EVC2: variants seen among roughly 807,000 people sequenced by gnomAD.
EVC2 encodes EvC ciliary complex subunit 2.
Under a neutral mutation model 149.3 loss-of-function variants are expected in EVC2, and 148 were observed. The ratio of observed to expected loss-of-function variants is 0.99; its 90% CI spans 0.87 to 1.14. EVC2 has a LOEUF of 1.14. Ranked by LOEUF, EVC2 falls within the 50% of genes most tolerant of loss-of-function variation. The pLI, the probability that EVC2 is intolerant of heterozygous loss-of-function variation, is 0.00. For synonymous variants in EVC2, 776 were observed against 649.9 expected, an observed-to-expected ratio of 1.19 and a Z score of -2.95; for missense variants, 1,854 against 1,627.3, an observed-to-expected ratio of 1.14 and a Z score of -2.40.
chr4:5,592,607 G>C (rs1392170723), intron 16 of EVC2, among the ~76,000 whole-genome samples: 1 of 152,202 alleles, frequency 6.6e-6, no homozygotes, highest in Non-Finnish European at 1.5e-5. Flanking sequence ...ACTTGAAATT[G>C]GTGATCAGCA....
At chr4:5,619,963 G>C (rs1314518477) in intron 14 of EVC2, among the ~76,000 whole-genome samples, 1 of 152,184 alleles carries the variant, frequency 6.6e-6, no homozygotes, top group Non-Finnish European at 1.5e-5. Flanking sequence ...CACCCAACGT[G>C]GTTGGCCAGA....
At chr4:5,638,223 T>C (rs1717024899) in intron 10 of EVC2, among the ~76,000 whole-genome samples, 1 of 151,956 alleles carries the variant, frequency 6.6e-6, no homozygotes, top group African/African-American at 2.4e-5. Flanking sequence ...ACCCTGTCTC[T>C]ACTAAAAATA....
chr4:5,544,413 AC>A (rs539761997), intron 21 of EVC2, among the ~76,000 whole-genome samples: 6 of 152,200 alleles, frequency 3.9e-5, no homozygotes, highest in South Asian at 4.2e-4. Context: ...GTCTCATGCT[AC>A]CCCCCACACA....
chr4:5,547,662 G>C (rs1412130354), intron 21 of EVC2, among the ~76,000 whole-genome samples: 1 of 152,198 alleles, frequency 6.6e-6, no homozygotes, highest in East Asian at 1.9e-4. Flanking sequence ...CTGAGCTACT[G>C]TGTCACTCAA....
chr4:5,560,609 A>G (rs1378435146), downstream of EVC2, among the ~76,000 whole-genome samples: 1 of 152,312 alleles, frequency 6.6e-6, no homozygotes, highest in East Asian at 1.9e-4. This position sits in a 1 kb window ranked among gnomAD's most constrained non-coding sequence, Gnocchi z 4.1. Context: ...AAGGATTACA[A>G]TTCAAGGCAA....
At chr4:5,585,494 G>C (rs1391596666) in intron 16 of EVC2, among the ~76,000 whole-genome samples, 2 of 152,162 alleles carry the variant, frequency 1.3e-5, no homozygotes, top group Admixed American at 1.3e-4. Flanking sequence ...CTTGACCTCA[G>C]GCAAATCATT....
At chr4:5,579,532 A>G (rs2108782256) in intron 17 of EVC2, among the ~76,000 whole-genome samples, 1 of 152,288 alleles carries the variant, frequency 6.6e-6, no homozygotes, top group Non-Finnish European at 1.5e-5. Context: ...ATAGGGAGAA[A>G]GGCAGAGGGA....
chr4:5,682,241 A>G (rs373726779), intron 6 of EVC2, among the ~76,000 whole-genome samples: 1 of 152,202 alleles, frequency 6.6e-6, no homozygotes, highest in African/African-American at 2.4e-5. Flanking sequence ...CTGTAATCCC[A>G]GCACTTTGGA....
At chr4:5,533,473 A>G in the EVC2 span, among the ~76,000 whole-genome samples, 1 of 152,206 alleles carries the variant, frequency 6.6e-6, no homozygotes, top group African/African-American at 2.4e-5. Flanking sequence ...TTCAGGGCAT[A>G]GAAAGGAACG....
At chr4:5,594,299 G>A (rs1315123129) in intron 16 of EVC2, among the ~76,000 whole-genome samples, 1 of 152,230 alleles carries the variant, frequency 6.6e-6, no homozygotes, top group Non-Finnish European at 1.5e-5. Context: ...TGACCCCCGA[G>A]CAGCCTAACT....
At chr4:5,549,385 A>C (rs557739461) in intron 21 of EVC2, among the ~76,000 whole-genome samples, 1 of 152,332 alleles carries the variant, frequency 6.6e-6, no homozygotes, top group South Asian at 2.1e-4. Flanking sequence ...CCAGGGTCTC[A>C]CAGGTAGTCT....
intron 9 of EVC2, among the ~76,000 whole-genome samples, chr4:5,652,452 C>T (rs1718213224): frequency 6.6e-6 from 1 of 152,196 alleles, no homozygotes; most frequent in African/African-American, 2.4e-5. Context: ...CCTGTGGCTG[C>T]TGTAACAAAG....
intron 7 of EVC2, among the ~76,000 whole-genome samples, chr4:5,667,319 A>G (rs1374669049): frequency 6.6e-6 from 1 of 151,848 alleles, no homozygotes; most frequent in African/African-American, 2.4e-5. Context: ...TATTTCTACA[A>G]TGAGTAGGTA....
intron 21 of EVC2, among the ~76,000 whole-genome samples, chr4:5,543,936 T>C (rs910687629): frequency 3.9e-5 from 6 of 152,262 alleles, no homozygotes; most frequent in Admixed American, 3.3e-4. Flanking sequence ...TCCAGGGCCA[T>C]CATGAGGAGA....
intron 16 of EVC2, among the ~76,000 whole-genome samples, chr4:5,594,871 A>C (rs1428676645): frequency 6.6e-6 from 1 of 152,220 alleles, no homozygotes; most frequent in Non-Finnish European, 1.5e-5. Flanking sequence ...AGAAGTGCTC[A>C]AAGGAGCTGA....
At chr4:5,612,650 T>C (rs779299758) in intron 16 of EVC2, among the ~76,000 whole-genome samples, 15 of 152,150 alleles carry the variant, frequency 9.9e-5, no homozygotes, top group South Asian at 4.1e-4. Context: ...AGGCCGGGCA[T>C]GGTGGCTCAC....
intron 9 of EVC2, among the ~76,000 whole-genome samples, chr4:5,654,416 G>A (rs983404094): frequency 6.6e-6 from 1 of 152,178 alleles, no homozygotes; most frequent in African/African-American, 2.4e-5. Context: ...AGTGCCAGAG[G>A]GGACCTCTCA....
chr4:5,655,287 T>C (rs949491537), intron 9 of EVC2, among the ~76,000 whole-genome samples: 5 of 152,146 alleles, frequency 3.3e-5, no homozygotes, highest in Admixed American at 1.3e-4. Context: ...TAGCTGACCT[T>C]TGCTCCTGCC....
rs1186284861 is a variant in EVC2 at position 5,567,005 on chromosome 4, C to A, written c.3557+1439G>T. On this transcript the variant is annotated intron_variant, in intron 20 of 21. Transcript: ENST00000344408. The surrounding 1 kb of genome is among the most constrained non-coding windows in gnomAD (Gnocchi z 4.4). Reference sequence around the variant, plus strand: ...AGTAATATGATTGGCTCCTAATATTCCATGGAGGAGCGTAGCATAGAGCAT... The same window carrying A: ...AGTAATATGATTGGCTCCTAATATTACATGGAGGAGCGTAGCATAGAGCAT... Among the ~76,000 whole-genome samples the A allele has an allele frequency of 2.6e-5, 4 of 152,094 alleles. No individual in the cohort carries two copies. The highest frequency in any genetic ancestry group is 5.9e-5 in the Non-Finnish European group (4 of 68,026).
Sources: allele counts gnomAD v4.1 joint callset (sites outside exome capture counted in the v4.1 genomes callset), GRCh38; gene constraint gnomAD v4.1.1; non-coding constraint Gnocchi (gnomAD v3.1); transcripts MANE v1.5; gene names NCBI Gene and HGNC (gene_info 2026-07-23, HGNC 2026-07-21).